Variants in KCNH6 observed in about 807,000 individuals in gnomAD.
KCNH6 encodes potassium voltage-gated channel subfamily H member 6, also known as voltage-gated inwardly rectifying potassium channel KCNH6.
A neutral mutation model predicts 83.4 loss-of-function variants in KCNH6; 81 were observed. The observed-to-expected ratio is 0.97, with a 90% CI of 0.81 to 1.17. KCNH6 has a LOEUF of 1.17. Ranked by LOEUF, KCNH6 falls within the 50% of genes most tolerant of loss-of-function variation. The probability of loss-of-function intolerance (pLI) is 0.00; values close to 1 mark genes in which losing one functional copy is unlikely to be tolerated. For synonymous variants in KCNH6, 503 were observed against 545.6 expected, an observed-to-expected ratio of 0.92 and a Z score of 1.09; for missense variants, 1,203 against 1,290.5, an observed-to-expected ratio of 0.93 and a Z score of 1.04.
At chr17:63,542,676 T>G (rs2032934575) in intron 9 of KCNH6, among the ~76,000 whole-genome samples, 1 of 152,166 alleles carries the variant, frequency 6.6e-6, no homozygotes, top group Non-Finnish European at 1.5e-5. Flanking sequence ...GGTATTATTA[T>G]CCCCAATTTT....
intron 2 of KCNH6, among the ~76,000 whole-genome samples, chr17:63,528,264 G>A (rs2031848344): frequency 6.6e-6 from 1 of 152,184 alleles, no homozygotes; most frequent in Non-Finnish European, 1.5e-5. Flanking sequence ...TATGGGCTTG[G>A]GCCTGGGAGT....
Position 63,533,925 on chromosome 17 carries a change from C to T in KCNH6, c.715C>T (p.Leu239=). The change falls in exon 5 of 13, where the codon CTG becomes TTG. Residue 239 remains leucine (L), a synonymous_variant. Transcript: ENST00000314672. The surrounding 1 kb of genome is among the most constrained non-coding windows in gnomAD (Gnocchi z 4.1). ...LGADVLPEYK[L]QAPRIHRWTI... ...CGCGGATGTGCTGCCGGAGTACAAG[C>T]TGCAGGCGCCGCGCATCCACCGCTG... 1.2e-6 allele frequency: 2 copies of T among 1,613,982 alleles called. No homozygotes were observed. Among genetic ancestry groups the T allele is most frequent in the Admixed American group, 1.7e-5 (1 of 60,016 alleles).
chr17:63,538,406 G>T lies in KCNH6; in HGVS notation c.1702-4G>T. 6.3e-7 allele frequency: 1 copy of T among 1,593,698 alleles called. No homozygotes were observed. Among genetic ancestry groups the T allele is most frequent in the Non-Finnish European group, 8.5e-7 (1 of 1,171,148 alleles). On this transcript the variant is annotated splice_polypyrimidine_tract_variant and splice_region_variant and intron_variant, in intron 7 of 12. Transcript: ENST00000314672. The surrounding 1 kb of genome is among the most constrained non-coding windows in gnomAD (Gnocchi z 4.0). Reference sequence around the variant, plus strand: ...CCCGCTGGACTTGGCCGCCCGCCTTGCAGGTGCTGAAGGGCTTCCCCGAGT... The same window carrying T: ...CCCGCTGGACTTGGCCGCCCGCCTTTCAGGTGCTGAAGGGCTTCCCCGAGT...
At chr17:63,527,013 G>A (rs915594814) in intron 2 of KCNH6, among the ~76,000 whole-genome samples, 2 of 152,084 alleles carry the variant, frequency 1.3e-5, no homozygotes, top group African/African-American at 2.4e-5. Flanking sequence ...CAGGAAGAAA[G>A]GAGAGCACTC....
intron 4 of KCNH6, among the ~76,000 whole-genome samples, chr17:63,530,749 C>T (rs551563780): frequency 7.9e-5 from 12 of 152,344 alleles, no homozygotes; most frequent in African/African-American, 2.9e-4. Flanking sequence ...GCCCTTGTGC[C>T]CAGCTCCTAG....
chr17:63,527,084 A>C (rs919315699), intron 2 of KCNH6, among the ~76,000 whole-genome samples: 2 of 152,090 alleles, frequency 1.3e-5, no homozygotes, highest in Non-Finnish European at 2.9e-5. Flanking sequence ...AGCCCACCCC[A>C]GCCTGCCTTT....
At chr17:63,537,156 G>A (rs7221979) in intron 6 of KCNH6, among the ~76,000 whole-genome samples, 90,285 of 151,634 alleles carry the variant, frequency 0.6, 27,453 homozygotes, top group Middle Eastern at 0.73. Context: ...AAGAACCCAG[G>A]TAGTGCTAAA....
intron 8 of KCNH6, among the ~76,000 whole-genome samples, chr17:63,540,496 C>T (rs2032797389): frequency 6.6e-6 from 1 of 151,810 alleles, no homozygotes; most frequent in Non-Finnish European, 1.5e-5. Flanking sequence ...AGAAGTTAAT[C>T]CAATTTAAGT....
At chr17:63,542,132 G>A in intron 8 of KCNH6, 109 bp from the exon 9 acceptor site, 1 of 1,152,390 alleles carries the variant, frequency 8.7e-7, no homozygotes, top group Non-Finnish European at 1.2e-6. Flanking sequence ...CAGGCAGCAG[G>A]CCCCGGCCTA....
rs2147698420 is a variant in KCNH6, at chr17:63,538,105, C to T, written c.1542C>T (p.Ile514=). The T allele has an allele frequency of 1.2e-6, 2 of 1,614,046 alleles. No individual in the cohort carries two copies. The highest frequency in any genetic ancestry group is 1.7e-5 in the Admixed American group (1 of 60,030). ...YASIFGNVSA[I]IQRLYSGTAR... ...GCATCTTCGGGAACGTGTCCGCGAT[C>T]ATCCAGCGCCTGTACTCGGGCACCG... Residue 514 remains isoleucine, a synonymous_variant, in exon 7 of 13, where the codon ATC becomes ATT. Transcript: ENST00000314672. This position sits in a 1 kb window ranked among gnomAD's most constrained non-coding sequence, Gnocchi z 4.0.
Position 63,534,887 on chromosome 17 carries a change from G to T in KCNH6, c.1101+576G>T, listed in dbSNP as rs2032381756. On this transcript the variant is annotated intron_variant, in intron 5 of 12. Coordinates refer to ENST00000314672, the MANE Select transcript of KCNH6 (RefSeq NM_001278919.2). The surrounding 1 kb of genome is among the most constrained non-coding windows in gnomAD (Gnocchi z 5.0). ...CCTGTCCAGCAGGGGGTGTCCAGCAGGGCTCCTCTGCTCCAAAGCCCCCTA... is the reference window on the plus strand; with the variant it reads ...CCTGTCCAGCAGGGGGTGTCCAGCATGGCTCCTCTGCTCCAAAGCCCCCTA... 6.6e-6 allele frequency among the ~76,000 whole-genome samples: 1 copy of T among 152,018 alleles called. No homozygotes were observed. Among genetic ancestry groups the T allele is most frequent in the Non-Finnish European group, 1.5e-5 (1 of 67,982 alleles).
At chr17:63,530,576 T>G in intron 4 of KCNH6, 34 bp downstream of exon 4, 2 of 1,601,954 alleles carry the variant, frequency 1.2e-6, no homozygotes, top group Non-Finnish European at 1.7e-6. Context: ...TGCAGAGCTG[T>G]GCCAGGCCTC....
rs1038056507 is a variant in KCNH6, at chr17:63,535,559, A to G, written c.1102-110A>G. The G allele has an allele frequency of 4.8e-6, 5 of 1,046,202 alleles. No homozygotes were observed. Among genetic ancestry groups the G allele is most frequent in the Admixed American group, 2.4e-5 (1 of 42,200 alleles). The allele number at this position is 1,046,202 out of a possible 1,614,324, so 64.8% of individuals were successfully genotyped here. On this transcript the variant is annotated intron_variant, in intron 5 of 12. Transcript: ENST00000314672. This position sits in a 1 kb window ranked among gnomAD's most constrained non-coding sequence, Gnocchi z 4.9. ...GTGGCCCGGAGGAAGTTCTCCATAA[A>G]TGTTTGTTGAATGAGTATGTGGTTG...
chr17:63,538,707 G>A lies in KCNH6; in HGVS notation c.1954+45G>A. ...CCAGGCCTGTGTTGGGGATTGGATG[G>A]AAGAGGGCGGGATTGGAGATGCCCT... On this transcript the variant is annotated intron_variant, in intron 8 of 12. Transcript: ENST00000314672. This position sits in a 1 kb window ranked among gnomAD's most constrained non-coding sequence, Gnocchi z 4.0. The A allele has an allele frequency of 6.6e-7, 1 of 1,521,654 alleles. No homozygotes were observed. The highest frequency in any genetic ancestry group is 8.8e-7 in the Non-Finnish European group (1 of 1,131,732). 94.3% of individuals were successfully genotyped at this position (1,521,654 alleles called of 1,614,324 possible).
At position 63,534,034 on chromosome 17, in the gene KCNH6, C is replaced by G; in HGVS notation, c.824C>G (p.Pro275Arg). Residue 275 changes from proline (P) to arginine (R), a missense_variant, in exon 5 of 13, where the codon CCC becomes CGC. Physicochemically the swap from Pro to Arg is moderately radical, Grantham distance 103 (BLOSUM62 -2). Coordinates refer to ENST00000314672, the MANE Select transcript of KCNH6 (RefSeq NM_001278919.2). This position sits in a 1 kb window ranked among gnomAD's most constrained non-coding sequence, Gnocchi z 5.0. ...GTCATCTACACGGCTGTCTTCACGC[C>G]CTACTCAGCCGCCTTCCTGCTCAGC... ...LLVIYTAVFTPYSAAFLLSDQ... is the reference protein window; with the variant it reads ...LLVIYTAVFTRYSAAFLLSDQ... The G allele has an allele frequency of 6.2e-7, 1 of 1,614,190 alleles. No homozygotes were observed.
chr17:63,532,241 A>G (rs1200951271), intron 4 of KCNH6, among the ~76,000 whole-genome samples: 1 of 152,170 alleles, frequency 6.6e-6, no homozygotes, highest in African/African-American at 2.4e-5. Flanking sequence ...GGCCTAGGGA[A>G]GGGCCTTGTT....
intron 10 of KCNH6, 172 bp from the exon 11 acceptor site, chr17:63,544,077 C>T: frequency 6.2e-7 from 1 of 1,608,944 alleles, no homozygotes; most frequent in Non-Finnish European, 8.5e-7. Context: ...TCCTGGGAGC[C>T]AGAACTCCAT....
rs1223493313 is a variant in KCNH6, at chr17:63,525,732, G to A, written c.307+1363G>A. ...GTGAGTGGCAGTGGGAAGTGCAACA[G>A]GCAGCGGCAGCCAGGAAGGGACTGG... On this transcript the variant is annotated intron_variant, in intron 2 of 12. Coordinates refer to ENST00000314672, the MANE Select transcript of KCNH6 (RefSeq NM_001278919.2). Among the ~76,000 whole-genome samples the A allele has an allele frequency of 8.5e-5, 13 of 152,322 alleles. No homozygotes were observed. In the South Asian group the frequency reaches 2.5e-3, roughly 29 times the overall value.
rs1234298552 is a variant in KCNH6, at chr17:63,523,965, C to T, written c.77-174C>T. Among the ~76,000 whole-genome samples, 2 of 152,020 alleles carry T rather than the reference C, an allele frequency of 1.3e-5. No homozygotes were observed. Among genetic ancestry groups the T allele is most frequent in the Non-Finnish European group, 2.9e-5 (2 of 67,998 alleles). ...GGCCTTCCTTCCACCTCAAGACCCT[C>T]ACTGCCCTAGTCTTCCCACAATCCC... is the stretch of plus-strand genomic sequence containing the variant. On this transcript the variant is annotated intron_variant, in intron 1 of 12. Coordinates refer to ENST00000314672, the MANE Select transcript of KCNH6 (RefSeq NM_001278919.2). The surrounding 1 kb of genome is among the most constrained non-coding windows in gnomAD (Gnocchi z 4.2).
Sources: allele counts gnomAD v4.1 joint callset (sites outside exome capture counted in the v4.1 genomes callset), GRCh38; gene constraint gnomAD v4.1.1; non-coding constraint Gnocchi (gnomAD v3.1); transcripts MANE v1.5; gene names NCBI Gene and HGNC (gene_info 2026-07-23, HGNC 2026-07-21).